The following IL1RAPL1 variants were observed in gnomAD, a reference collection of about 807,000 sequenced individuals.
IL1RAPL1 encodes the protein interleukin-1 receptor accessory protein-like 1.
In IL1RAPL1, 3 loss-of-function variants were observed where a neutral mutation model predicts 48.4. The observed-to-expected ratio is 0.06, with a 90% confidence interval of 0.03 to 0.16. IL1RAPL1 has a LOEUF of 0.16. Ranked by LOEUF, IL1RAPL1 falls within the 10% of genes least tolerant of loss-of-function variation. The probability of loss-of-function intolerance (pLI) is 1.00; values close to 1 mark genes in which losing one functional copy is unlikely to be tolerated. For missense variants in IL1RAPL1, 349 were observed against 530.6 expected, an observed-to-expected ratio of 0.66 and a Z score of 3.36; for synonymous variants, 185 against 187.7, an observed-to-expected ratio of 0.99 and a Z score of 0.12.
In IL1RAPL1 at chrX:29,877,849, A is replaced by C. The variant is rs188797445; in HGVS notation, c.779-39615A>C. Among the ~76,000 whole-genome samples the C allele has an allele frequency of 2.6e-3, 296 of 111,863 alleles. 2 individuals carry two copies. Among genetic ancestry groups the C allele is most frequent in the African/African-American group, 9.2e-3 (283 of 30,864 alleles). On this transcript the variant is annotated intron_variant, in intron 6 of 10. Coordinates refer to ENST00000378993, the MANE Select transcript of IL1RAPL1 (RefSeq NM_014271.4). ...GCTTTAGAATTTTGGTTTAAGGCTT[A>C]GACCAAAATCATCATGGAAAAAATG...
At chrX:29,382,837 G>A (rs1025524046) in intron 3 of IL1RAPL1, among the ~76,000 whole-genome samples, 2 of 111,580 alleles carry the variant, frequency 1.8e-5, no homozygotes, top group East Asian at 5.6e-4. Flanking sequence ...TCACAGAAAG[G>A]GTGTTCTATT....
chrX:29,410,670 T>TA (rs1414729574), intron 5 of IL1RAPL1, among the ~76,000 whole-genome samples: 4 of 111,674 alleles, frequency 3.6e-5, no homozygotes, highest in Non-Finnish European at 7.5e-5. Context: ...TGAAATAAAA[T>TA]AGAAATACCA....
At chrX:28,818,668 T>TAA (rs1482850588) in intron 2 of IL1RAPL1, among the ~76,000 whole-genome samples, 1 of 110,813 alleles carries the variant, frequency 9.0e-6, no homozygotes, top group Non-Finnish European at 1.9e-5. Context: ...TAAGGATTTA[T>TAA]AACTTGATTC....
intron 2 of IL1RAPL1, among the ~76,000 whole-genome samples, chrX:29,070,640 A>C (rs1479257927): frequency 9.0e-6 from 1 of 111,608 alleles, no homozygotes; most frequent in Admixed American, 9.6e-5. Context: ...AAGTTGACAC[A>C]AGTCTGGATC....
intron 5 of IL1RAPL1, among the ~76,000 whole-genome samples, chrX:29,498,581 T>A (rs777612997): frequency 9.0e-6 from 1 of 111,727 alleles, no homozygotes; most frequent in Non-Finnish European, 1.9e-5. Flanking sequence ...TGTGGTTTTT[T>A]CTTTTTTAAA....
intron 1 of IL1RAPL1, among the ~76,000 whole-genome samples, chrX:28,630,926 C>G (rs1000245777): frequency 8.9e-6 from 1 of 111,967 alleles, no homozygotes; most frequent in Non-Finnish European, 1.9e-5. Context: ...ATGGAGCTTA[C>G]ATTCAAATGG....
intron 5 of IL1RAPL1, among the ~76,000 whole-genome samples, chrX:29,423,809 A>G (rs1478041253): frequency 9.0e-6 from 1 of 111,657 alleles, no homozygotes; most frequent in African/African-American, 3.3e-5. Flanking sequence ...TGGCTCATAG[A>G]TGACATACTA....
intron 2 of IL1RAPL1, among the ~76,000 whole-genome samples, chrX:28,813,904 T>G (rs1936824099): frequency 9.0e-6 from 1 of 110,996 alleles, no homozygotes; most frequent in African/African-American, 3.3e-5. Flanking sequence ...TTTCTGATCT[T>G]TCTGTTTTGC....
intron 6 of IL1RAPL1, among the ~76,000 whole-genome samples, chrX:29,839,292 A>G (rs1931083479): frequency 8.9e-6 from 1 of 112,180 alleles, no homozygotes; most frequent in African/African-American, 3.2e-5. Flanking sequence ...CAATGGGTCA[A>G]TCACCTGGCA....
At chrX:29,279,008 G>A (rs184749655) in intron 2 of IL1RAPL1, among the ~76,000 whole-genome samples, 28 of 112,596 alleles carry the variant, frequency 2.5e-4, no homozygotes, top group Admixed American at 2.4e-3. Flanking sequence ...TATAGAAGGT[G>A]TGAGAGAGAA....
At chrX:29,659,263 T>C (rs1925772565) in intron 5 of IL1RAPL1, among the ~76,000 whole-genome samples, 1 of 112,007 alleles carries the variant, frequency 8.9e-6, no homozygotes, top group African/African-American at 3.2e-5. Flanking sequence ...CTTCATAAGA[T>C]TGACTTGTTT....
chrX:28,830,965 G>A (rs12011113), intron 2 of IL1RAPL1, among the ~76,000 whole-genome samples: 7,709 of 91,990 alleles, frequency 0.084, 857 homozygotes, highest in African/African-American at 0.27. Flanking sequence ...CCTTGAACCA[G>A]TAATTCTCCC....
At chrX:28,653,255 A>C (rs1934706833) in intron 1 of IL1RAPL1, among the ~76,000 whole-genome samples, 1 of 111,549 alleles carries the variant, frequency 9.0e-6, no homozygotes, top group African/African-American at 3.3e-5. Context: ...TGGGCAGATC[A>C]TCTGAGGTCA....
chrX:28,628,209 C>A (rs1274016242), intron 1 of IL1RAPL1, among the ~76,000 whole-genome samples: 2 of 111,683 alleles, frequency 1.8e-5, no homozygotes, highest in African/African-American at 6.5e-5. Flanking sequence ...CATGAAAGGT[C>A]TCTTAAAGGG....
chrX:28,873,586 C>T (rs1186931432), intron 2 of IL1RAPL1, among the ~76,000 whole-genome samples: 1 of 89,036 alleles, frequency 1.1e-5, no homozygotes, highest in Non-Finnish European at 2.1e-5. Flanking sequence ...GGCTGGAGTG[C>T]AGTGGCTCAA....
chrX:29,346,787 T>C (rs147584165), intron 3 of IL1RAPL1, among the ~76,000 whole-genome samples: 1 of 112,395 alleles, frequency 8.9e-6, no homozygotes, highest in African/African-American at 3.2e-5. Context: ...CACTGTTGGC[T>C]ATCAAGAGGA....
chrX:29,001,479 C>T, intron 2 of IL1RAPL1, among the ~76,000 whole-genome samples: 1 of 111,493 alleles, frequency 9.0e-6, no homozygotes, highest in Non-Finnish European at 1.9e-5. Flanking sequence ...TGTCTTTATT[C>T]ACACTGACCC....
Position 29,448,969 on chromosome X carries a change from C to T in IL1RAPL1, c.703+49661C>T, listed in dbSNP as rs137943837. ...ACCAATCCCACCATGAAGTCCTGCC[C>T]GCCCTTATGACATCATGTAAATCTA... On this transcript the variant is annotated intron_variant, in intron 5 of 10. Transcript: ENST00000378993. Among the ~76,000 whole-genome samples, 69 of 111,017 alleles carry T rather than the reference C, an allele frequency of 6.2e-4. No homozygotes were observed. The East Asian group carries it at 0.014, about 22-fold the overall frequency.
At chrX:28,893,863 G>A (rs914636199) in intron 2 of IL1RAPL1, among the ~76,000 whole-genome samples, 1 of 111,684 alleles carries the variant, frequency 9.0e-6, no homozygotes, top group Non-Finnish European at 1.9e-5. Flanking sequence ...TTTGCCTTGT[G>A]TGGGAAGAGA....
Sources: allele counts gnomAD v4.1 joint callset (sites outside exome capture counted in the v4.1 genomes callset), GRCh38; gene constraint gnomAD v4.1.1; transcripts MANE v1.5; gene names NCBI Gene and HGNC (gene_info 2026-07-23, HGNC 2026-07-21).